The following UBR1 variants were observed in gnomAD, a reference collection of about 807,000 sequenced individuals.
UBR1 encodes E3 ubiquitin-protein ligase UBR1.
A neutral mutation model predicts 242.1 loss-of-function variants in UBR1; 102 were observed. That is an observed-to-expected ratio of 0.42 (90% CI 0.36 to 0.50). UBR1 has a LOEUF of 0.50. UBR1 is among the 20% of genes least tolerant of loss of function. The probability of loss-of-function intolerance (pLI) is 0.01; values close to 1 mark genes in which losing one functional copy is unlikely to be tolerated. For synonymous variants in UBR1, 675 were observed against 684.8 expected (o/e 0.99, Z 0.22); for missense variants, 1,772 against 2,101.8 (o/e 0.84, Z 3.07).
chr15:43,061,586 T>C (rs1248321124), intron 6 of UBR1, among the ~76,000 whole-genome samples: 1 of 151,942 alleles, frequency 6.6e-6, no homozygotes, highest in Non-Finnish European at 1.5e-5. Context: ...CACACACATA[T>C]ATGTATATAT....
chr15:43,058,361 A>C lies in UBR1; in HGVS notation c.1162T>G (p.Phe388Val), dbSNP rs773668093. 1.9e-6 allele frequency: 3 copies of C among 1,608,868 alleles called. No homozygotes were observed. The highest frequency in any genetic ancestry group is 2.5e-6 in the Non-Finnish European group (3 of 1,176,900). ...FFMEMEYKKLFAMEFVKYYKQ... is the reference protein window; with the variant it reads ...FFMEMEYKKLVAMEFVKYYKQ... Reference sequence around the variant, plus strand: ...ATTACCTTCACAAATTCCATAGCAAAGAGTTTTTTGTATTCCATCTCCATA... The same window carrying C: ...ATTACCTTCACAAATTCCATAGCAACGAGTTTTTTGTATTCCATCTCCATA... Residue 388 changes from phenylalanine (F) to valine (V), a missense_variant, in exon 10 of 47, where the codon TTT becomes GTT. Phe to Val is a conservative substitution (Grantham distance 50). Around this residue, in one of 3 missense-constraint regions of UBR1, gnomAD observed 734 missense variants for 893.3 expected, o/e 0.82. Coordinates refer to ENST00000290650, the MANE Select transcript of UBR1 (RefSeq NM_174916.3).
rs192509114 is a variant in UBR1, at chr15:43,105,841, C to T, written c.81+101G>A. 33 of 1,174,894 alleles carry T rather than the reference C, an allele frequency of 2.8e-5. No individual in the cohort carries two copies. The East Asian group carries it at 3.3e-4, about 12-fold the overall frequency. 72.8% of individuals were successfully genotyped at this position (1,174,894 alleles called of 1,614,324 possible). A position where few individuals can be genotyped will look rare whatever the true frequency, so the allele number is the denominator to read the frequency against. ...TTCCAGATCAATCCAGATAACTCCC[C>T]CTCCCCAGAGCCGCCATAAGGGGTG... On this transcript the variant is annotated intron_variant, in intron 1 of 46. Coordinates refer to ENST00000290650, the MANE Select transcript of UBR1 (RefSeq NM_174916.3).
chr15:43,002,662 A>T lies in UBR1; in HGVS notation c.3552T>A (p.His1184Gln). The T allele has an allele frequency of 1.2e-6, 2 of 1,614,218 alleles. No homozygotes were observed. The highest frequency in any genetic ancestry group is 1.7e-6 in the Non-Finnish European group (2 of 1,180,044). Reference protein sequence around the residue: ...AVQLSSQQRIHVDLFDLESGE... With the variant: ...AVQLSSQQRIQVDLFDLESGE... ...CACTTTCCAAGTCAAAAAGGTCAAC[A>T]TGAATGCGCTGCTGAGAGCTCAGCT... The change falls in exon 32 of 47, where the codon CAT (histidine) becomes CAA (glutamine). Residue 1184 changes from histidine (H) to glutamine (Q), a missense_variant. His to Gln is a conservative substitution (Grantham distance 24). This residue lies in a region of UBR1 where 965 missense variants were observed against 1,079.7 expected (regional missense o/e 0.89). Transcript: ENST00000290650.
At chr15:43,044,041 T>C (rs890360321) in intron 14 of UBR1, among the ~76,000 whole-genome samples, 20 of 152,198 alleles carry the variant, frequency 1.3e-4, no homozygotes, top group Non-Finnish European at 2.1e-4. Flanking sequence ...AAGGAGAAGA[T>C]GGCATTCTAA....
In UBR1 at chr15:43,082,607, T is replaced by C. The variant is rs540070072; in HGVS notation, c.417+31A>G. Reference sequence around the variant, plus strand: ...GACTAGATGGCCATCAGATTCCTGCTTATTCAGAGGTTATGGTTATATTTT... The same window carrying C: ...GACTAGATGGCCATCAGATTCCTGCCTATTCAGAGGTTATGGTTATATTTT... On this transcript the variant is annotated intron_variant, in intron 3 of 46. Transcript: ENST00000290650. 42 of 1,586,390 alleles carry C rather than the reference T, an allele frequency of 2.6e-5. No individual in the cohort carries two copies. In the South Asian group the frequency reaches 4.1e-4, roughly 15 times the overall value.
chr15:43,037,335 G>C (rs1243101678), intron 17 of UBR1, among the ~76,000 whole-genome samples: 1 of 147,164 alleles, frequency 6.8e-6, no homozygotes, highest in Non-Finnish European at 1.5e-5. Flanking sequence ...GGGCAGTAGA[G>C]TGAGACTCTG....
chr15:42,984,043 C>A (rs1201305851), intron 36 of UBR1, 50 bp from the exon 37 acceptor site: 1 of 1,431,160 alleles, frequency 7.0e-7, no homozygotes, highest in South Asian at 1.2e-5. Context: ...AGATGAGAGA[C>A]CTAAGTCATC....
chr15:43,004,406 C>G (rs999328184), intron 30 of UBR1, among the ~76,000 whole-genome samples: 3 of 152,154 alleles, frequency 2.0e-5, no homozygotes, highest in Admixed American at 2.0e-4. Flanking sequence ...CGGTCTCCCT[C>G]TGATGCCACC....
intron 43 of UBR1, 100 bp from the exon 44 acceptor site, chr15:42,958,190 A>G: frequency 1.2e-6 from 1 of 817,942 alleles, no homozygotes; most frequent in South Asian, 1.4e-5. Flanking sequence ...TAACAAAAGG[A>G]TCTACACTTG....
rs114367830 is a variant in UBR1 at position 43,093,174 on chromosome 15, G to T, written c.82-6934C>A. On this transcript the variant is annotated intron_variant, in intron 1 of 46. Transcript: ENST00000290650. ...ATTTCCCTCATCCCCAAGGAGACTA[G>T]AGATATGTTTTCAACTCTGACCCAA... Among the ~76,000 whole-genome samples the T allele has an allele frequency of 4.4e-3, 675 of 152,292 alleles. 9 individuals carry two copies. The highest frequency in any genetic ancestry group is 0.016 in the African/African-American group (647 of 41,560).
chr15:43,052,375 A>G (rs1384176669), intron 12 of UBR1, among the ~76,000 whole-genome samples: 1 of 152,246 alleles, frequency 6.6e-6, no homozygotes, highest in East Asian at 1.9e-4. Flanking sequence ...TAGAACCAGA[A>G]AATAAAAGCT....
intron 19 of UBR1, among the ~76,000 whole-genome samples, chr15:43,034,888 CA>C (rs201319494): frequency 1.7e-3 from 154 of 91,718 alleles, no homozygotes; most frequent in Middle Eastern, 6.3e-3. Context: ...ACGCCATCTC[CA>C]AAAAAAAAAA....
chr15:43,017,539 G>C (rs1464743058), intron 27 of UBR1, among the ~76,000 whole-genome samples: 1 of 152,132 alleles, frequency 6.6e-6, no homozygotes, highest in East Asian at 1.9e-4. Context: ...TGCTCTTTGG[G>C]AGGCGGAGGC....
chr15:43,023,738 G>T (rs1269499206), intron 25 of UBR1, among the ~76,000 whole-genome samples: 2 of 152,114 alleles, frequency 1.3e-5, no homozygotes, highest in East Asian at 3.9e-4. Flanking sequence ...CATAGGTATT[G>T]GGAAGTAGGC....
intron 12 of UBR1, among the ~76,000 whole-genome samples, chr15:43,052,755 C>T (rs777016588): frequency 2.0e-5 from 3 of 152,066 alleles, no homozygotes; most frequent in African/African-American, 7.2e-5. Flanking sequence ...GCAATTAACA[C>T]GAATTATTTG....
intron 10 of UBR1, 131 bp from the exon 11 acceptor site, chr15:43,056,573 G>A: frequency 1.6e-6 from 1 of 622,512 alleles, no homozygotes; most frequent in South Asian, 2.1e-5. Context: ...ATTTATTAAG[G>A]CAAGATATTA....
Position 43,081,289 on chromosome 15 carries a change from C to T in UBR1, c.417+1349G>A, listed in dbSNP as rs146006533. Among the ~76,000 whole-genome samples the T allele has an allele frequency of 6.6e-5, 10 of 152,044 alleles. No homozygotes were observed. In the South Asian group the frequency reaches 8.3e-4, roughly 13 times the overall value. On this transcript the variant is annotated intron_variant, in intron 3 of 46. Transcript: ENST00000290650. Reference sequence around the variant, plus strand: ...AAAATTAGCCAGGTGTGGTGGCGCACGCCTGTAATCCTAGCTACTCAGGAG... The same window carrying T: ...AAAATTAGCCAGGTGTGGTGGCGCATGCCTGTAATCCTAGCTACTCAGGAG...
Sources: allele counts gnomAD v4.1 joint callset (sites outside exome capture counted in the v4.1 genomes callset), GRCh38; gene constraint gnomAD v4.1.1; regional missense constraint gnomAD v4.1.1; transcripts MANE v1.5; gene names NCBI Gene and HGNC (gene_info 2026-07-23, HGNC 2026-07-21).